Variants in CASK observed in about 807,000 individuals in gnomAD.
The protein encoded by CASK is calcium/calmodulin dependent serine protein kinase.
CASK carries 4 observed loss-of-function variants against 82.9 expected under a neutral mutation model. The observed-to-expected ratio is 0.05, with a 90% CI of 0.02 to 0.11. CASK has a LOEUF of 0.11. Among genes scored for constraint, CASK ranks in the 10% least tolerant of loss-of-function variants. The pLI, the probability that CASK is intolerant of heterozygous loss-of-function variation, is 1.00. For missense variants in CASK, 358 were observed against 720.9 expected, an observed-to-expected ratio of 0.50 and a Z score of 5.76; for synonymous variants, 259 against 253.5, an observed-to-expected ratio of 1.02 and a Z score of -0.20.
At chrX:41,657,996 C>T (rs930046670) in intron 8 of CASK, among the ~76,000 whole-genome samples, 4 of 110,241 alleles carry the variant, frequency 3.6e-5, no homozygotes, top group African/African-American at 1.3e-4. Context: ...CACCAATGGC[C>T]GATGGTTTAA....
intron 1 of CASK, among the ~76,000 whole-genome samples, chrX:41,868,937 G>T (rs1196624211): frequency 1.8e-5 from 2 of 111,323 alleles, no homozygotes; most frequent in Non-Finnish European, 3.8e-5. Context: ...AAGAAACAAG[G>T]AAGAAGCCAG....
chrX:41,825,663 A>C (rs1415752815), intron 2 of CASK, among the ~76,000 whole-genome samples: 1 of 111,897 alleles, frequency 8.9e-6, no homozygotes, highest in Non-Finnish European at 1.9e-5. Flanking sequence ...AGGAGTCCTG[A>C]GCCTTGCAGT....
At chrX:41,854,880 T>C (rs1465451097) in intron 1 of CASK, among the ~76,000 whole-genome samples, 1 of 112,286 alleles carries the variant, frequency 8.9e-6, no homozygotes, top group Admixed American at 9.4e-5. Flanking sequence ...GGGACAAACG[T>C]TTTCATTCTC....
intron 20 of CASK, among the ~76,000 whole-genome samples, chrX:41,554,887 A>C (rs747338999): frequency 8.9e-6 from 1 of 112,160 alleles, no homozygotes; most frequent in Non-Finnish European, 1.9e-5. Flanking sequence ...CTATCTCTTG[A>C]AATTAAAATT....
chrX:41,898,369 T>C (rs1244128496), intron 1 of CASK, among the ~76,000 whole-genome samples: 3 of 111,766 alleles, frequency 2.7e-5, no homozygotes, highest in Non-Finnish European at 5.7e-5. Context: ...GATTTGTTGA[T>C]TTTACTTTTC....
chrX:41,810,195 C>T (rs915885107), intron 2 of CASK, among the ~76,000 whole-genome samples: 5 of 112,081 alleles, frequency 4.5e-5, no homozygotes, highest in African/African-American at 6.5e-5. Context: ...ACTTCCCCAA[C>T]CTAGCAAGGC....
chrX:41,644,410 T>C (rs1450731272), intron 8 of CASK, among the ~76,000 whole-genome samples: 1 of 112,511 alleles, frequency 8.9e-6, no homozygotes, highest in Non-Finnish European at 1.9e-5. Flanking sequence ...ATCACTTCTT[T>C]AATCAATACC....
At chrX:41,609,861 T>C in intron 12 of CASK, 43 bp downstream of exon 12, 1 of 1,199,386 alleles carries the variant, frequency 8.3e-7, no homozygotes, top group Non-Finnish European at 1.1e-6. Flanking sequence ...CCGGCCAATA[T>C]TCAATTCACC....
rs775639111 is a variant in CASK, at chrX:41,538,478, G to T, written c.2156-3505C>A. Among the ~76,000 whole-genome samples, 7 of 111,806 alleles carry T rather than the reference G, an allele frequency of 6.3e-5. No individual in the cohort carries two copies. In the South Asian group the frequency reaches 2.6e-3, roughly 42 times the overall value. On this transcript the variant is annotated intron_variant, in intron 22 of 26. Coordinates refer to ENST00000378163, the MANE Select transcript of CASK (RefSeq NM_001367721.1). ...GCTGAGGAATCTCAATGCCTCTAGA[G>T]TTCAGTTGTTCCAGCCACACCACAA...
chrX:41,643,636 T>A (rs2066701152), intron 8 of CASK, among the ~76,000 whole-genome samples: 1 of 112,095 alleles, frequency 8.9e-6, no homozygotes, highest in Admixed American at 9.5e-5. Context: ...ATCCTGAGAC[T>A]TTGCTGAAGT....
intron 2 of CASK, among the ~76,000 whole-genome samples, chrX:41,828,004 G>C (rs1180895498): frequency 8.9e-6 from 1 of 111,764 alleles, no homozygotes; most frequent in Non-Finnish European, 1.9e-5. Context: ...ACCACCTACA[G>C]TGTGCTAAGC....
At position 41,860,576 on chromosome X, in the gene CASK, A is replaced by G. The variant is rs182834660; in HGVS notation, c.60-7349T>C. The stretch of plus-strand genomic sequence containing the variant: ...GTGATAGCTTTGTGAAAGCTTTTCA[A>G]CCTAAAGGTTTACAAAATCAGCTGT... On this transcript the variant is annotated intron_variant, in intron 1 of 26. Transcript: ENST00000378163. Among the ~76,000 whole-genome samples the G allele has an allele frequency of 8.1e-5, 9 of 111,740 alleles. No homozygotes were observed. In the East Asian group the frequency reaches 2.2e-3, roughly 28 times the overall value.
chrX:41,561,905 G>A (rs1224535897), intron 16 of CASK: 2 of 245,209 alleles, frequency 8.2e-6, no homozygotes, highest in African/African-American at 5.7e-5. Flanking sequence ...TATGTATAGT[G>A]GTTTAAAAGT....
chrX:41,600,655 T>C (rs1364609548), intron 12 of CASK, among the ~76,000 whole-genome samples: 3 of 112,098 alleles, frequency 2.7e-5, no homozygotes, highest in African/African-American at 6.5e-5. Context: ...AATAAGGGAA[T>C]TGGAGGGACT....
rs1243636857 is a variant in CASK at position 41,767,770 on chromosome X, C to A, written c.278+19408G>T. ...GTTATGGGTTTCTTGGGAAGAATAT[C>A]AGAGGTGAAATGCCCTTCTCATCAC... On this transcript the variant is annotated intron_variant, in intron 3 of 26. Transcript: ENST00000378163. 2.7e-5 allele frequency among the ~76,000 whole-genome samples: 3 copies of A among 111,505 alleles called. No individual in the cohort carries two copies. In the South Asian group the frequency reaches 1.1e-3, roughly 42 times the overall value.
intron 2 of CASK, chrX:41,790,044 G>A (rs1255443441): frequency 9.8e-6 from 2 of 204,050 alleles, no homozygotes; most frequent in South Asian, 6.9e-5. Flanking sequence ...ATTCTCCTGC[G>A]TCAGCCTCCT....
chrX:41,868,684 C>A (rs374628427), intron 1 of CASK, among the ~76,000 whole-genome samples: 5 of 111,517 alleles, frequency 4.5e-5, no homozygotes, highest in African/African-American at 1.6e-4. Flanking sequence ...TAATGAGAGG[C>A]CAGTTATTCA....
intron 2 of CASK, among the ~76,000 whole-genome samples, chrX:41,844,876 G>GT (rs1373745895): frequency 9.0e-6 from 1 of 111,270 alleles, no homozygotes; most frequent in Non-Finnish European, 1.9e-5. Context: ...ATAAATATTG[G>GT]TAAGTTATAT....
intron 7 of CASK, among the ~76,000 whole-genome samples, chrX:41,662,328 ATACT>A (rs2067047012): frequency 9.0e-6 from 1 of 111,651 alleles, no homozygotes; most frequent in Non-Finnish European, 1.9e-5. Context: ...GTGTTAGCAT[ATACT>A]CCAGTGAAAC....
Sources: gnomAD v4.1 joint callset for allele counts (sites outside exome capture counted in the v4.1 genomes callset) on GRCh38, gnomAD v4.1.1 for gene constraint, MANE v1.5 for transcripts, NCBI Gene and HGNC (gene_info 2026-07-23, HGNC 2026-07-21) for gene names.